The following DLG2 variants were observed in gnomAD, a reference collection of about 807,000 sequenced individuals.
DLG2 encodes the protein discs large MAGUK scaffold protein 2.
A neutral mutation model predicts 132.5 loss-of-function variants in DLG2; 45 were observed. The ratio of observed to expected loss-of-function variants is 0.34; its 90% CI spans 0.27 to 0.44. The LOEUF (loss-of-function observed/expected upper bound fraction) is 0.44. DLG2 is among the 20% of genes least tolerant of loss of function. DLG2 has a pLI of 1.00. For synonymous variants in DLG2, 424 were observed against 419.6 expected, an observed-to-expected ratio of 1.01 and a Z score of -0.13; for missense variants, 1,045 against 1,196.9, an observed-to-expected ratio of 0.87 and a Z score of 1.87.
chr11:84,812,820 T>A (rs2076707815), intron 6 of DLG2, among the ~76,000 whole-genome samples: 1 of 152,170 alleles, frequency 6.6e-6, no homozygotes, highest in South Asian at 2.1e-4. Flanking sequence ...ATGATTGGGT[T>A]AAGAAGACTG....
intron 6 of DLG2, among the ~76,000 whole-genome samples, chr11:84,833,305 G>C (rs2079276882): frequency 6.6e-6 from 1 of 151,550 alleles, no homozygotes; most frequent in African/African-American, 2.4e-5. Flanking sequence ...GCCAATACCA[G>C]TTCAACGTCT....
intron 7 of DLG2, among the ~76,000 whole-genome samples, chr11:84,495,624 G>T (rs935944859): frequency 1.3e-5 from 2 of 152,072 alleles, no homozygotes; most frequent in African/African-American, 4.8e-5. Flanking sequence ...CATCTATTTT[G>T]GGAAAACTCT....
chr11:84,866,899 T>G (rs954168474), intron 6 of DLG2, among the ~76,000 whole-genome samples: 1 of 152,232 alleles, frequency 6.6e-6, no homozygotes, highest in African/African-American at 2.4e-5. Context: ...TTCTTTTCTC[T>G]GTGTTATATC....
intron 21 of DLG2, among the ~76,000 whole-genome samples, chr11:83,510,891 A>G (rs1313776450): frequency 1.4e-5 from 2 of 143,528 alleles, no homozygotes; most frequent in African/African-American, 5.3e-5. Context: ...AACTTGGAAT[A>G]CTAGCTGATA....
chr11:84,230,959 T>C (rs2097084133), intron 8 of DLG2, among the ~76,000 whole-genome samples: 1 of 152,226 alleles, frequency 6.6e-6, no homozygotes, highest in African/African-American at 2.4e-5. Context: ...TCAGAGAATG[T>C]AGCAAAGACA....
At chr11:84,386,054 A>AT (rs1397505044) in intron 7 of DLG2, among the ~76,000 whole-genome samples, 7 of 151,992 alleles carry the variant, frequency 4.6e-5, no homozygotes, top group African/African-American at 1.4e-4. Context: ...CAATTTAGGG[A>AT]TTTTTTACAT....
chr11:85,161,202 G>A (rs2078003992), intron 4 of DLG2, among the ~76,000 whole-genome samples: 1 of 152,200 alleles, frequency 6.6e-6, no homozygotes, highest in Non-Finnish European at 1.5e-5. Flanking sequence ...ATAATTAAGT[G>A]GATAGGATGA....
intron 7 of DLG2, among the ~76,000 whole-genome samples, chr11:84,345,399 A>G (rs187781762): frequency 9.3e-4 from 141 of 152,336 alleles, no homozygotes; most frequent in African/African-American, 3.3e-3. Context: ...TTAAGTTATG[A>G]TATTTAAGCT....
intron 17 of DLG2, among the ~76,000 whole-genome samples, chr11:83,816,495 T>TC (rs1565184255): frequency 6.6e-6 from 1 of 151,988 alleles, no homozygotes; most frequent in Non-Finnish European, 1.5e-5. Flanking sequence ...AACCTCAGTT[T>TC]TTTTTCACTG....
intron 19 of DLG2, among the ~76,000 whole-genome samples, chr11:83,595,026 ATTCTT>A (rs1407516110): frequency 1.3e-5 from 2 of 152,236 alleles, no homozygotes; most frequent in African/African-American, 4.8e-5. Context: ...ATTTAGACAT[ATTCTT>A]TTATCAATGC....
intron 6 of DLG2, among the ~76,000 whole-genome samples, chr11:84,799,566 G>A (rs369110073): frequency 6.6e-6 from 1 of 152,192 alleles, no homozygotes; most frequent in African/African-American, 2.4e-5. Flanking sequence ...CTCTTACGAG[G>A]ACAATCAGTG....
chr11:84,965,112 T>C (rs1444437653), intron 6 of DLG2, among the ~76,000 whole-genome samples: 4 of 152,122 alleles, frequency 2.6e-5, no homozygotes, highest in Non-Finnish European at 5.9e-5. Context: ...GTTTCATAAA[T>C]TGCAGTACTG....
intron 18 of DLG2, among the ~76,000 whole-genome samples, chr11:83,708,409 G>A (rs2084569330): frequency 6.6e-6 from 1 of 152,170 alleles, no homozygotes; most frequent in African/African-American, 2.4e-5. Context: ...TTTAATACCT[G>A]ACAGGGAGAA....
At chr11:85,459,399 G>A (rs971638910) in intron 3 of DLG2, among the ~76,000 whole-genome samples, 1 of 152,120 alleles carries the variant, frequency 6.6e-6, no homozygotes, top group East Asian at 1.9e-4. Flanking sequence ...GGAAGCTCAG[G>A]TGAAGCCCTC....
At position 84,784,143 on chromosome 11, in the gene DLG2, C is replaced by CAAAAAA. The variant is rs59301159; in HGVS notation, c.358-249418_358-249413dup. Among the ~76,000 whole-genome samples the CAAAAAA allele has an allele frequency of 1.4e-3, 12 of 8,656 alleles. 1 individual carries two copies. Among genetic ancestry groups the CAAAAAA allele is most frequent in the Admixed American group, 5.0e-3 (2 of 402 alleles). 5.7% of individuals were successfully genotyped at this position (8,656 alleles called of 152,430 possible). The stretch of plus-strand genomic sequence containing the variant: ...TGAAACCCCATCTCTACTAAAAATG[C>CAAAAAA]AAAAAAAAAAAAAAAAAAAAAAAAA... On this transcript the variant is annotated intron_variant, in intron 6 of 27. Transcript: ENST00000376104.
chr11:83,484,189 G>A lies in DLG2; in HGVS notation c.2233C>T (p.Arg745Ter), dbSNP rs768479110. ...DKRKKSFIFS[R>*]KFPFYKNKEQ... Reference sequence around the variant, plus strand: ...TTGTTCTTGTAGAATGGGAATTTTCGTGAAAAGATGAAGCTCTTTTTACGC... The same window carrying A: ...TTGTTCTTGTAGAATGGGAATTTTCATGAAAAGATGAAGCTCTTTTTACGC... Residue 745 changes from arginine (R) to a stop codon, truncating the protein, a stop_gained, in exon 22 of 28, where the codon CGA becomes TGA. Coordinates refer to ENST00000376104, the MANE Select transcript of DLG2 (RefSeq NM_001142699.3). LOFTEE classifies it high-confidence loss of function. 4.3e-6 allele frequency: 7 copies of A among 1,613,268 alleles called. No individual in the cohort carries two copies. Among genetic ancestry groups the A allele is most frequent in the Admixed American group, 1.7e-5 (1 of 59,918 alleles).
chr11:85,624,785 A>C (rs2081949374), intron 2 of DLG2, among the ~76,000 whole-genome samples: 1 of 152,206 alleles, frequency 6.6e-6, no homozygotes, highest in African/African-American at 2.4e-5. Context: ...TAGAAATATA[A>C]ACTGGTTTTT....
intron 18 of DLG2, among the ~76,000 whole-genome samples, chr11:83,747,799 T>C (rs1367056737): frequency 1.3e-5 from 2 of 151,868 alleles, no homozygotes; most frequent in Non-Finnish European, 2.9e-5. Context: ...TATATTTAAG[T>C]AATATAAACA....
chr11:84,897,754 C>T (rs11601217), intron 6 of DLG2, among the ~76,000 whole-genome samples: 23,779 of 151,694 alleles, frequency 0.16, 2,373 homozygotes, highest in African/African-American at 0.27. Flanking sequence ...TTTCCTAAAT[C>T]GAGGCTTTGG....
Sources: allele counts gnomAD v4.1 joint callset (sites outside exome capture counted in the v4.1 genomes callset), GRCh38; gene constraint gnomAD v4.1.1; transcripts MANE v1.5; gene names NCBI Gene and HGNC (gene_info 2026-07-23, HGNC 2026-07-21).